CNTNAP2: variants seen among roughly 807,000 people sequenced by gnomAD.
CNTNAP2 encodes the protein contactin associated protein 2, also known as contactin-associated protein-like 2.
Under a neutral mutation model 155.2 loss-of-function variants are expected in CNTNAP2, and 98 were observed. That is an observed-to-expected ratio of 0.63 (90% CI 0.54 to 0.75). The LOEUF (loss-of-function observed/expected upper bound fraction) is 0.75. Among genes scored for constraint, CNTNAP2 ranks in the 30% least tolerant of loss-of-function variants. The probability of loss-of-function intolerance (pLI) is 0.00; values close to 1 mark genes in which losing one functional copy is unlikely to be tolerated. For missense variants in CNTNAP2, 1,727 were observed against 1,688.1 expected, an observed-to-expected ratio of 1.02 and a Z score of -0.40; for synonymous variants, 651 against 631.2, an observed-to-expected ratio of 1.03 and a Z score of -0.47.
At chr7:146,943,088 T>C (rs1213596485) in intron 3 of CNTNAP2, among the ~76,000 whole-genome samples, 1 of 152,228 alleles carries the variant, frequency 6.6e-6, no homozygotes, top group Non-Finnish European at 1.5e-5. Context: ...AATACCCATA[T>C]ATAATTTTTG....
chr7:146,346,372 G>A (rs1435901031), intron 1 of CNTNAP2, among the ~76,000 whole-genome samples: 4 of 152,196 alleles, frequency 2.6e-5, no homozygotes, highest in Admixed American at 2.6e-4. Context: ...AATGAGCTGG[G>A]TTGTGTATTC....
intron 1 of CNTNAP2, among the ~76,000 whole-genome samples, chr7:146,634,890 G>A (rs1259192218): frequency 3.9e-5 from 6 of 152,194 alleles, no homozygotes; most frequent in Admixed American, 3.3e-4. Flanking sequence ...ACAGGAATGA[G>A]ACTTTAATAA....
At chr7:147,558,732 CCTTCCTTCCTTT>C (rs1254191284) in intron 11 of CNTNAP2, among the ~76,000 whole-genome samples, 6 of 81,178 alleles carry the variant, frequency 7.4e-5, no homozygotes, top group African/African-American at 2.8e-4. Context: ...TTCCTTCCTT[CCTTCCTTCCTTT>C]CTTCCTTCCT....
chr7:147,515,556 C>T (rs146081149), intron 11 of CNTNAP2, among the ~76,000 whole-genome samples: 2,909 of 151,952 alleles, frequency 0.019, 84 homozygotes, highest in African/African-American at 0.067. Flanking sequence ...CTCTTGACCT[C>T]GTGATCTGCC....
At chr7:147,401,764 C>T (rs148382075) in intron 10 of CNTNAP2, among the ~76,000 whole-genome samples, 3 of 152,266 alleles carry the variant, frequency 2.0e-5, no homozygotes, top group East Asian at 1.9e-4. Flanking sequence ...CTTTCCCCTT[C>T]ACTCACTCTC....
Position 148,043,164 on chromosome 7 carries a change from T to A in CNTNAP2, c.2383+65175T>A, listed in dbSNP as rs76748444. Among the ~76,000 whole-genome samples, 1,224 of 152,322 alleles carry A rather than the reference T, an allele frequency of 8.0e-3. 17 individuals carry two copies. The highest frequency in any genetic ancestry group is 0.026 in the African/African-American group (1,068 of 41,568). On this transcript the variant is annotated intron_variant, in intron 15 of 23. Coordinates refer to ENST00000361727, the MANE Select transcript of CNTNAP2 (RefSeq NM_014141.6). The stretch of plus-strand genomic sequence containing the variant: ...ACCTCCCAGTGAGTCACAGTGTCAC[T>A]AACTCAGAATTAAATATGTTGCTAA...
intron 1 of CNTNAP2, among the ~76,000 whole-genome samples, chr7:146,267,440 A>G (rs1320297576): frequency 2.0e-5 from 3 of 152,172 alleles, no homozygotes. Context: ...TAGATATTAT[A>G]AAAAATAAAT....
intron 1 of CNTNAP2, among the ~76,000 whole-genome samples, chr7:146,140,537 T>G (rs944545794): frequency 2.6e-5 from 4 of 152,192 alleles, no homozygotes; most frequent in African/African-American, 9.7e-5. Flanking sequence ...ATTCTCATTC[T>G]TAGCCATTAA....
In CNTNAP2 at chr7:147,300,227, G is replaced by A. The variant is rs759244842; in HGVS notation, c.1435G>A (p.Ala479Thr). Reference sequence around the variant, plus strand: ...TATTCTCACCATCGATGGAGATGAAGCATCAGCAGTTCGAACTAATAGTCC... The same window carrying A: ...TATTCTCACCATCGATGGAGATGAAACATCAGCAGTTCGAACTAATAGTCC... ...FAILTIDGDEASAVRTNSPLQ... is the reference protein window; with the variant it reads ...FAILTIDGDETSAVRTNSPLQ... Residue 479 changes from alanine (A) to threonine (T), a missense_variant, in exon 9 of 24, where the codon GCA becomes ACA. Ala to Thr is a moderately conservative substitution (Grantham distance 58). Coordinates refer to ENST00000361727, the MANE Select transcript of CNTNAP2 (RefSeq NM_014141.6). 33 of 1,614,010 alleles carry A rather than the reference G, an allele frequency of 2.0e-5. No homozygotes were observed. Among genetic ancestry groups the A allele is most frequent in the Non-Finnish European group, 2.5e-5 (30 of 1,179,942 alleles).
chr7:147,062,249 G>A (rs760148382), intron 4 of CNTNAP2, among the ~76,000 whole-genome samples: 20 of 136,928 alleles, frequency 1.5e-4, no homozygotes, highest in African/African-American at 5.6e-4. Context: ...CATTAAAAAA[G>A]CAGTGTAATA....
At chr7:147,060,081 T>G (rs1799634538) in intron 4 of CNTNAP2, among the ~76,000 whole-genome samples, 2 of 152,268 alleles carry the variant, frequency 1.3e-5, no homozygotes, top group Middle Eastern at 6.8e-3. Context: ...GACAAAATAA[T>G]TTTTTGTTTA....
chr7:147,938,941 A>G (rs1003382839), intron 14 of CNTNAP2, among the ~76,000 whole-genome samples: 5 of 152,224 alleles, frequency 3.3e-5, no homozygotes, highest in African/African-American at 9.6e-5. Flanking sequence ...ATAAATGCCT[A>G]TGAATCTCAA....
chr7:147,506,195 G>A (rs182676531), intron 11 of CNTNAP2, among the ~76,000 whole-genome samples: 60 of 152,238 alleles, frequency 3.9e-4, no homozygotes, highest in Non-Finnish European at 5.0e-4. Flanking sequence ...TGAGGAAATG[G>A]AGCCATCGTT....
chr7:147,858,350 G>C (rs573400747), intron 13 of CNTNAP2, among the ~76,000 whole-genome samples: 13 of 152,256 alleles, frequency 8.5e-5, no homozygotes, highest in African/African-American at 3.1e-4. Flanking sequence ...GCCTCCCAAA[G>C]TGCTGGGATG....
intron 21 of CNTNAP2, among the ~76,000 whole-genome samples, chr7:148,363,605 A>G (rs992116400): frequency 2.0e-5 from 3 of 152,086 alleles, no homozygotes; most frequent in African/African-American, 4.8e-5. Flanking sequence ...TGTTCCTTCT[A>G]TCTGGAATGC....
intron 1 of CNTNAP2, among the ~76,000 whole-genome samples, chr7:146,674,877 C>A (rs1412624506): frequency 1.3e-5 from 2 of 152,304 alleles, no homozygotes; most frequent in Non-Finnish European, 1.5e-5. Context: ...TTATTCACTT[C>A]TCCCTGATAT....
chr7:146,758,436 C>T (rs1156638113), intron 1 of CNTNAP2, among the ~76,000 whole-genome samples: 1 of 152,100 alleles, frequency 6.6e-6, no homozygotes, highest in Non-Finnish European at 1.5e-5. Context: ...GAGTTCTGGT[C>T]TCTGTTTGCC....
At chr7:146,530,192 A>G (rs925242992) in intron 1 of CNTNAP2, among the ~76,000 whole-genome samples, 1 of 152,156 alleles carries the variant, frequency 6.6e-6, no homozygotes, top group Non-Finnish European at 1.5e-5. Flanking sequence ...GAAAATTGAA[A>G]CTAGACCCTT....
chr7:147,298,241 A>T (rs577546335), intron 8 of CNTNAP2, among the ~76,000 whole-genome samples: 4 of 152,204 alleles, frequency 2.6e-5, no homozygotes, highest in African/African-American at 9.6e-5. Context: ...CCAGCCTGAC[A>T]TGGTGAAACC....
Sources: gnomAD v4.1 joint callset for allele counts (sites outside exome capture counted in the v4.1 genomes callset) on GRCh38, gnomAD v4.1.1 for gene constraint, MANE v1.5 for transcripts, NCBI Gene and HGNC (gene_info 2026-07-23, HGNC 2026-07-21) for gene names.